Variants in OCA2 observed in about 807,000 individuals in gnomAD.
The protein encoded by OCA2 is OCA2 melanosomal transmembrane protein, also known as P protein.
A neutral mutation model predicts 100.2 loss-of-function variants in OCA2; 77 were observed. The observed-to-expected ratio is 0.77, with a 90% confidence interval of 0.64 to 0.93. The LOEUF (loss-of-function observed/expected upper bound fraction) is 0.93. Ranked by LOEUF, OCA2 falls within the 40% of genes least tolerant of loss-of-function variation. The pLI, the probability that OCA2 is intolerant of heterozygous loss-of-function variation, is 0.00. For synonymous variants in OCA2, 432 were observed against 439.2 expected (o/e 0.98, Z 0.21); for missense variants, 1,062 against 1,089.1 (o/e 0.98, Z 0.35).
intron 9 of OCA2, among the ~76,000 whole-genome samples, chr15:28,011,314 A>T (rs890824387): frequency 6.6e-6 from 1 of 152,198 alleles, no homozygotes; most frequent in African/African-American, 2.4e-5. Flanking sequence ...AAAAAATTTT[A>T]AAACTTAGCC....
chr15:27,770,643 G>A (rs1483934712), intron 23 of OCA2, among the ~76,000 whole-genome samples: 2 of 151,650 alleles, frequency 1.3e-5, no homozygotes, highest in East Asian at 1.9e-4. Context: ...GAACCCGGCC[G>A]CTCCCGTGGC....
At chr15:27,783,300 G>A (rs1034565182) in intron 23 of OCA2, among the ~76,000 whole-genome samples, 3 of 152,176 alleles carry the variant, frequency 2.0e-5, no homozygotes, top group African/African-American at 7.2e-5. Context: ...TTTTTAGAAT[G>A]TGTTTCTCCA....
chr15:27,848,292 C>T (rs2035610189), intron 22 of OCA2, among the ~76,000 whole-genome samples: 1 of 152,226 alleles, frequency 6.6e-6, no homozygotes, highest in South Asian at 2.1e-4. Flanking sequence ...AGGACCATCA[C>T]CACCTTCCCC....
At chr15:28,070,295 C>T (rs1273135950) in intron 2 of OCA2, among the ~76,000 whole-genome samples, 3 of 144,416 alleles carry the variant, frequency 2.1e-5, no homozygotes, top group Admixed American at 6.7e-5. Context: ...GCAGCCACCC[C>T]GTCCGGGAGG....
chr15:28,015,040 G>T, intron 8 of OCA2, 111 bp from the exon 9 acceptor site: 1 of 1,139,258 alleles, frequency 8.8e-7, no homozygotes, highest in Non-Finnish European at 1.3e-6. Context: ...TCAGCCCAAC[G>T]CCCAATCTCA....
chr15:27,885,762 G>GAGTATTGAC (rs1555425023), intron 19 of OCA2, among the ~76,000 whole-genome samples: 1 of 52,752 alleles, frequency 1.9e-5, no homozygotes, highest in East Asian at 1.2e-3. Flanking sequence ...TTTGTTTGAT[G>GAGTATTGAC]TGCTTACTAT....
chr15:28,011,865 C>T (rs982544237), intron 9 of OCA2, among the ~76,000 whole-genome samples: 2 of 149,322 alleles, frequency 1.3e-5, no homozygotes, highest in Non-Finnish European at 3.0e-5. Flanking sequence ...TGCAGTGAGC[C>T]GAGATTGGAC....
chr15:27,951,673 C>T (rs2040032132), intron 18 of OCA2, 111 bp downstream of exon 18: 6 of 804,636 alleles, frequency 7.5e-6, no homozygotes, highest in Non-Finnish European at 1.3e-5. Context: ...CCTCTCTGGC[C>T]TTCCACCAGC....
At chr15:27,919,177 G>A (rs748257652) in intron 19 of OCA2, among the ~76,000 whole-genome samples, 5 of 152,048 alleles carry the variant, frequency 3.3e-5, no homozygotes, top group South Asian at 2.1e-4. Flanking sequence ...AGTCCTGATC[G>A]ATCCCATAAG....
intron 19 of OCA2, among the ~76,000 whole-genome samples, chr15:27,898,710 C>A (rs1373762114): frequency 6.6e-6 from 1 of 152,132 alleles, no homozygotes; most frequent in African/African-American, 2.4e-5. Context: ...TATTTGGGCC[C>A]CATTCTTTAC....
At chr15:28,019,807 T>C (rs754927243) in intron 6 of OCA2, among the ~76,000 whole-genome samples, 45 of 152,104 alleles carry the variant, frequency 3.0e-4, no homozygotes, top group Admixed American at 6.5e-4. Flanking sequence ...AATCACCTTG[T>C]GGGGGGCAGG....
At chr15:27,866,051 G>A (rs1448091215) in intron 21 of OCA2, among the ~76,000 whole-genome samples, 1 of 152,172 alleles carries the variant, frequency 6.6e-6, no homozygotes, top group East Asian at 1.9e-4. Flanking sequence ...TACTATGAAT[G>A]AGTTGCCTTA....
At chr15:27,834,967 G>T (rs2035093073) in intron 23 of OCA2, among the ~76,000 whole-genome samples, 1 of 152,208 alleles carries the variant, frequency 6.6e-6, no homozygotes, top group South Asian at 2.1e-4. Context: ...CAGCAAGGAG[G>T]CCTGGCTCTT....
At chr15:27,998,993 G>A (rs2041841576) in intron 9 of OCA2, among the ~76,000 whole-genome samples, 1 of 151,700 alleles carries the variant, frequency 6.6e-6, no homozygotes, top group Middle Eastern at 3.4e-3. Context: ...GATGGGAATT[G>A]AACAATGAGA....
chr15:28,002,670 G>C (rs1409454245), intron 9 of OCA2, among the ~76,000 whole-genome samples: 1 of 152,096 alleles, frequency 6.6e-6, no homozygotes, highest in Non-Finnish European at 1.5e-5. Flanking sequence ...GGGCTGATGG[G>C]GTGGGCTCCA....
intron 2 of OCA2, among the ~76,000 whole-genome samples, chr15:28,072,522 A>G (rs6497259): frequency 0.098 from 14,537 of 149,044 alleles, 2,329 homozygotes; most frequent in African/African-American, 0.34. Context: ...CCTGGAAGGC[A>G]GAGCTTGCAG....
intron 1 of OCA2, among the ~76,000 whole-genome samples, chr15:28,083,185 G>A (rs1193047187): frequency 1.3e-5 from 2 of 152,202 alleles, no homozygotes; most frequent in East Asian, 3.8e-4. Context: ...GTGGACCCAG[G>A]ATGAAAGGAG....
intron 4 of OCA2, among the ~76,000 whole-genome samples, chr15:28,025,249 T>C (rs2042714912): frequency 6.6e-6 from 1 of 152,238 alleles, no homozygotes; most frequent in Non-Finnish European, 1.5e-5. Flanking sequence ...CTTGTCTCTC[T>C]GATTCATATT....
At chr15:27,956,043 A>G (rs1458191467) in intron 16 of OCA2, among the ~76,000 whole-genome samples, 2 of 152,204 alleles carry the variant, frequency 1.3e-5, no homozygotes, top group Admixed American at 6.5e-5. Flanking sequence ...ATTTTTAAAA[A>G]GAAAATGTAA....
Sources: allele counts gnomAD v4.1 joint callset (sites outside exome capture counted in the v4.1 genomes callset), GRCh38; gene constraint gnomAD v4.1.1; transcripts MANE v1.5; gene names NCBI Gene and HGNC (gene_info 2026-07-23, HGNC 2026-07-21).